KATNA1: variants seen among roughly 807,000 people sequenced by gnomAD.
KATNA1 encodes katanin p60 ATPase-containing subunit A1.
A neutral mutation model predicts 62.6 loss-of-function variants in KATNA1; 42 were observed. The ratio of observed to expected loss-of-function variants is 0.67; its 90% confidence interval spans 0.52 to 0.87. The LOEUF (loss-of-function observed/expected upper bound fraction) is 0.87. KATNA1 is among the 40% of genes least tolerant of loss of function. KATNA1 has a pLI of 0.00. For synonymous variants in KATNA1, 186 were observed against 201.9 expected (o/e 0.92, Z 0.67); for missense variants, 498 against 612.5 (o/e 0.81, Z 1.97).
intron 4 of KATNA1, among the ~76,000 whole-genome samples, chr6:149,610,945 C>A (rs753429906): frequency 1.3e-5 from 2 of 152,086 alleles, no homozygotes; most frequent in Non-Finnish European, 2.9e-5. Context: ...ACTAGCCGGG[C>A]GTGGTGTTCC....
At chr6:149,630,136 A>G (rs1170821026) in intron 3 of KATNA1, among the ~76,000 whole-genome samples, 1 of 152,162 alleles carries the variant, frequency 6.6e-6, no homozygotes, top group African/African-American at 2.4e-5. Context: ...TGACTATGTG[A>G]TTTTCCCCCT....
At chr6:149,624,832 A>G (rs1448486004) in intron 3 of KATNA1, among the ~76,000 whole-genome samples, 1 of 151,300 alleles carries the variant, frequency 6.6e-6, no homozygotes, top group Admixed American at 6.7e-5. Flanking sequence ...CAGTATAGTT[A>G]AACAGACAGA....
At chr6:149,638,243 G>T in intron 2 of KATNA1, 143 bp downstream of exon 2, 1 of 693,106 alleles carries the variant, frequency 1.4e-6, no homozygotes, top group East Asian at 2.6e-5. Context: ...CAAAGTGCTA[G>T]GACTACAGGA....
chr6:149,609,192 C>T (rs1778851855), intron 4 of KATNA1, among the ~76,000 whole-genome samples: 1 of 152,068 alleles, frequency 6.6e-6, no homozygotes, highest in African/African-American at 2.4e-5. Flanking sequence ...AAATAGAACA[C>T]CCCAAAGACT....
chr6:149,614,827 C>G (rs990002075), intron 4 of KATNA1, among the ~76,000 whole-genome samples: 4 of 152,108 alleles, frequency 2.6e-5, no homozygotes, highest in African/African-American at 9.7e-5. Flanking sequence ...GGAATTAAAA[C>G]ATTTCACTGC....
At chr6:149,621,367 G>T (rs768711011) in intron 4 of KATNA1, among the ~76,000 whole-genome samples, 27 of 151,724 alleles carry the variant, frequency 1.8e-4, no homozygotes, top group Non-Finnish European at 2.9e-4. Flanking sequence ...CTCGTGATCC[G>T]CCCAACTCGG....
intron 4 of KATNA1, among the ~76,000 whole-genome samples, chr6:149,606,282 G>T (rs912707131): frequency 1.3e-5 from 2 of 152,126 alleles, no homozygotes; most frequent in African/African-American, 4.8e-5. Context: ...ATAAGTGGAT[G>T]GGTATCCTGG....
chr6:149,623,951 GAATAC>G (rs908581326), intron 3 of KATNA1, among the ~76,000 whole-genome samples: 99 of 152,108 alleles, frequency 6.5e-4, no homozygotes, highest in African/African-American at 2.1e-3. Context: ...GAGACAACCA[GAATAC>G]AATACAAGTA....
At chr6:149,598,745 GAAAAC>G (rs1018680125) in intron 7 of KATNA1, among the ~76,000 whole-genome samples, 5 of 122,984 alleles carry the variant, frequency 4.1e-5, no homozygotes, top group Non-Finnish European at 1.7e-5. Flanking sequence ...AGGAAAGAAA[GAAAAC>G]AACAAAACAG....
In KATNA1 at chr6:149,632,797, CT is replaced by C. The variant is rs1258448342; in HGVS notation, c.281del (p.Glu94GlyfsTer81). 1 of 1,613,636 alleles carries C rather than the reference CT, an allele frequency of 6.2e-7. No homozygotes were observed. Among genetic ancestry groups the C allele is most frequent in the African/African-American group, 1.3e-5 (1 of 74,984 alleles). ...KAAQHDLPASEGEVWSMPVPV... is the reference protein window; with the variant it reads ...KAAQHDLPASXGEVWSMPVPV... ...GTACAGGCATGGACCAGACTTCTCC[CT>C]CAGAAGCTGGAAGGTCATGCTGTGC... is the stretch of plus-strand genomic sequence containing the variant. On this transcript the variant is annotated frameshift_variant, in exon 3 of 11. Coordinates refer to ENST00000367411, the MANE Select transcript of KATNA1 (RefSeq NM_007044.4). LOFTEE classifies it high-confidence loss of function.
chr6:149,632,942 T>C (rs1400741736), intron 2 of KATNA1, 26 bp from the exon 3 acceptor site: 1 of 1,572,472 alleles, frequency 6.4e-7, no homozygotes, highest in Non-Finnish European at 8.6e-7. Context: ...AAGATGGATG[T>C]TTAAATTTCT....
intron 3 of KATNA1, among the ~76,000 whole-genome samples, chr6:149,626,889 C>T (rs1779633229): frequency 6.6e-6 from 1 of 151,556 alleles, no homozygotes; most frequent in Non-Finnish European, 1.5e-5. Context: ...AAAGCTGAGG[C>T]GGAAGAATCG....
intron 10 of KATNA1, among the ~76,000 whole-genome samples, chr6:149,595,671 A>C (rs922372062): frequency 2.0e-5 from 3 of 152,160 alleles, no homozygotes; most frequent in African/African-American, 4.8e-5. Context: ...TAAAAAAAAA[A>C]AACAAAACTT....
chr6:149,594,940 T>A lies in KATNA1; in HGVS notation c.*96A>T. ...TTTTTTTAAAAAAATCTTACCATTATGAAAGTTAAAAAAAATATAGCACTC... is the reference window on the plus strand; with the variant it reads ...TTTTTTTAAAAAAATCTTACCATTAAGAAAGTTAAAAAAAATATAGCACTC... On this transcript the variant is annotated 3_prime_UTR_variant, in exon 11 of 11. Transcript: ENST00000367411. The A allele has an allele frequency of 1.1e-6, 1 of 934,108 alleles. No individual in the cohort carries two copies. The highest frequency in any genetic ancestry group is 1.6e-6 in the Non-Finnish European group (1 of 633,278). The allele number at this position is 934,108 out of a possible 1,614,324, so 57.9% of individuals were successfully genotyped here.
intron 4 of KATNA1, among the ~76,000 whole-genome samples, chr6:149,622,104 T>C (rs924042546): frequency 6.6e-6 from 1 of 151,296 alleles, no homozygotes; most frequent in Non-Finnish European, 1.5e-5. Context: ...ATGTAAAATT[T>C]ACAGCTTTTG....
At chr6:149,638,709 C>A in intron 1 of KATNA1, 149 bp from the exon 2 acceptor site, 8 of 358,956 alleles carry the variant, frequency 2.2e-5, no homozygotes, top group East Asian at 4.7e-5. Flanking sequence ...CATGCTATTT[C>A]ACTCCTTTAA....
chr6:149,639,327 G>A (rs967906722), intron 1 of KATNA1, among the ~76,000 whole-genome samples: 8 of 151,762 alleles, frequency 5.3e-5, no homozygotes, highest in African/African-American at 1.9e-4. Context: ...CAGGCCCGGT[G>A]CGGTGGCTCA....
intron 4 of KATNA1, among the ~76,000 whole-genome samples, chr6:149,611,280 A>G (rs1778942271): frequency 6.6e-6 from 1 of 151,878 alleles, no homozygotes; most frequent in African/African-American, 2.4e-5. Context: ...TACCCACCAC[A>G]GCGAAACCCT....
chr6:149,616,178 A>G (rs534276189), intron 4 of KATNA1, among the ~76,000 whole-genome samples: 3 of 152,352 alleles, frequency 2.0e-5, no homozygotes, highest in African/African-American at 7.2e-5. Context: ...TACGCTTAGT[A>G]CAACTGCACC....
Sources: allele counts gnomAD v4.1 joint callset (sites outside exome capture counted in the v4.1 genomes callset), GRCh38; gene constraint gnomAD v4.1.1; transcripts MANE v1.5; gene names NCBI Gene and HGNC (gene_info 2026-07-23, HGNC 2026-07-21).